The following CHN2 variants were observed in gnomAD, a reference collection of about 807,000 sequenced individuals.
CHN2 encodes chimerin 2, also known as beta-chimaerin.
In CHN2, 35 loss-of-function variants were observed where a neutral mutation model predicts 56.3. The observed-to-expected ratio is 0.62, with a 90% confidence interval of 0.47 to 0.82. The LOEUF (loss-of-function observed/expected upper bound fraction) is 0.82, where lower values mean the gene tolerates loss of function less well. Ranked by LOEUF, CHN2 falls within the 40% of genes least tolerant of loss-of-function variation. The pLI, the probability that CHN2 is intolerant of heterozygous loss-of-function variation, is 0.00. For synonymous variants in CHN2, 210 were observed against 212.8 expected, an observed-to-expected ratio of 0.99 and a Z score of 0.12; for missense variants, 491 against 580.5, an observed-to-expected ratio of 0.85 and a Z score of 1.58.
At chr7:29,500,285 A>G (rs1048150384) in intron 9 of CHN2, among the ~76,000 whole-genome samples, 1 of 152,156 alleles carries the variant, frequency 6.6e-6, no homozygotes, top group African/African-American at 2.4e-5. Flanking sequence ...CATTTATTAT[A>G]TGGTAGGCAT....
chr7:29,364,743 T>C (rs917040504), intron 2 of CHN2, among the ~76,000 whole-genome samples: 1 of 152,238 alleles, frequency 6.6e-6, no homozygotes, highest in African/African-American at 2.4e-5. Flanking sequence ...TTATCTCTTA[T>C]AGCTTTTTCT....
At chr7:29,207,712 C>A (rs1325886571) in intron 1 of CHN2, among the ~76,000 whole-genome samples, 2 of 152,144 alleles carry the variant, frequency 1.3e-5, no homozygotes, top group African/African-American at 4.8e-5. Flanking sequence ...CTCCATATGC[C>A]CCCACTTAGA....
intron 6 of CHN2, among the ~76,000 whole-genome samples, chr7:29,444,125 A>T: frequency 6.6e-6 from 1 of 152,228 alleles, no homozygotes; most frequent in East Asian, 1.9e-4. Context: ...ATAGTCTTTG[A>T]AACTTGAGTC....
intron 1 of CHN2, among the ~76,000 whole-genome samples, chr7:29,195,649 T>TGTGTGTGTGAGAGAGA (rs1554358914): frequency 6.1e-5 from 8 of 130,640 alleles, no homozygotes; most frequent in African/African-American, 2.3e-4. Context: ...TGTGTGTGTG[T>TGTGTGTGTGAGAGAGA]GAGAGAGAGA....
intron 1 of CHN2, among the ~76,000 whole-genome samples, chr7:29,275,346 A>G (rs568763243): frequency 7.9e-5 from 12 of 152,286 alleles, no homozygotes; most frequent in Admixed American, 6.5e-4. Flanking sequence ...TAGAGAATAT[A>G]TGGTCAAGTC....
chr7:29,352,708 G>A (rs191633421), intron 1 of CHN2, among the ~76,000 whole-genome samples: 21 of 152,242 alleles, frequency 1.4e-4, no homozygotes, highest in African/African-American at 3.9e-4. Flanking sequence ...GGGTGATAGA[G>A]TGGGACTCTG....
chr7:29,252,628 G>A lies in CHN2; in HGVS notation c.49+57638G>A, dbSNP rs551986303. ...TTTTGAGACGGAGTCTCGCTCTGTC[G>A]CCCAGGCCAGACTGCGGACTGCAGT... is the stretch of plus-strand genomic sequence containing the variant. On this transcript the variant is annotated intron_variant, in intron 1 of 12. Transcript: ENST00000222792. Among the ~76,000 whole-genome samples the A allele has an allele frequency of 6.1e-4, 34 of 56,138 alleles. No homozygotes were observed. In the South Asian group the frequency reaches 0.019, roughly 32 times the overall value. 36.8% of individuals were successfully genotyped at this position (56,138 alleles called of 152,430 possible).
intron 1 of CHN2, chr7:29,208,746 A>G (rs1185243200): frequency 1.3e-5 from 2 of 152,192 alleles, no homozygotes; most frequent in Non-Finnish European, 2.9e-5. Flanking sequence ...TCCAGGATGC[A>G]ATTATTGTAA....
At chr7:29,440,965 G>A (rs1449362324) in intron 6 of CHN2, among the ~76,000 whole-genome samples, 1 of 152,054 alleles carries the variant, frequency 6.6e-6, no homozygotes, top group Admixed American at 6.5e-5. Flanking sequence ...GAGGTACAAA[G>A]TGATGTTATG....
intron 1 of CHN2, among the ~76,000 whole-genome samples, chr7:29,210,372 G>A (rs1784823974): frequency 6.6e-6 from 1 of 151,708 alleles, no homozygotes; most frequent in Non-Finnish European, 1.5e-5. Context: ...AAGCCTTTTG[G>A]AATGTGACCT....
chr7:29,299,542 A>G (rs1409720842), intron 1 of CHN2, among the ~76,000 whole-genome samples: 1 of 152,158 alleles, frequency 6.6e-6, no homozygotes, highest in Non-Finnish European at 1.5e-5. Flanking sequence ...CATTGTGCTC[A>G]TACATCAAAT....
chr7:29,420,518 G>A (rs1051527770), intron 6 of CHN2, among the ~76,000 whole-genome samples: 2 of 152,192 alleles, frequency 1.3e-5, no homozygotes, highest in South Asian at 2.1e-4. Context: ...AGTGAAATAT[G>A]TCAGACATAT....
In CHN2 at chr7:29,211,289, G is replaced by T. The variant is rs370451424; in HGVS notation, c.49+16299G>T. Among the ~76,000 whole-genome samples, 11 of 151,258 alleles carry T rather than the reference G, an allele frequency of 7.3e-5. 1 individual carries two copies. The East Asian group carries it at 1.9e-3, about 27-fold the overall frequency. ...GAGATGGGGTTTCACCATGTTAGCC[G>T]GGATGGTCTCGATCTCCTGACCTCG... is the stretch of plus-strand genomic sequence containing the variant. On this transcript the variant is annotated intron_variant, in intron 1 of 12. Transcript: ENST00000222792.
intron 1 of CHN2, among the ~76,000 whole-genome samples, chr7:29,300,435 G>A (rs1217793225): frequency 6.6e-6 from 1 of 152,054 alleles, no homozygotes; most frequent in Non-Finnish European, 1.5e-5. Context: ...GGGCAGGAAT[G>A]CCTTCCTGGG....
At chr7:29,495,102 T>C (rs1365922219) in intron 7 of CHN2, among the ~76,000 whole-genome samples, 2 of 152,192 alleles carry the variant, frequency 1.3e-5, no homozygotes, top group Non-Finnish European at 2.9e-5. Context: ...ATGGCCCCGA[T>C]AGACTGCCTA....
In CHN2 at chr7:29,255,413, G is replaced by A. The variant is rs1411402429; in HGVS notation, c.49+60423G>A. ...GGGCGTGGGAAGGAATAATCACGAG[G>A]CAAGGAGGAGACGGAACACCCTCCA... On this transcript the variant is annotated intron_variant, in intron 1 of 12. Transcript: ENST00000222792. 4.6e-5 allele frequency among the ~76,000 whole-genome samples: 7 copies of A among 152,312 alleles called. No individual in the cohort carries two copies. The South Asian group carries it at 1.5e-3, about 32-fold the overall frequency.
At chr7:29,355,159 C>T (rs925951899) in intron 2 of CHN2, among the ~76,000 whole-genome samples, 2 of 151,780 alleles carry the variant, frequency 1.3e-5, no homozygotes, top group African/African-American at 4.8e-5. Context: ...TTAGTAGAGA[C>T]GAGGTTTCTC....
At chr7:29,170,966 C>T (rs965188306) in intron 2 of CHN2, among the ~76,000 whole-genome samples, 12 of 152,144 alleles carry the variant, frequency 7.9e-5, no homozygotes, top group Non-Finnish European at 1.6e-4. Flanking sequence ...CTTCAATTAC[C>T]TCCCACGGGG....
chr7:29,511,753 T>A (rs1791447190), intron 12 of CHN2, among the ~76,000 whole-genome samples: 1 of 151,898 alleles, frequency 6.6e-6, no homozygotes, highest in Admixed American at 6.6e-5. Context: ...ATTTTGCTCA[T>A]TTTTGGAGAA....
Sources: gnomAD v4.1 joint callset for allele counts (sites outside exome capture counted in the v4.1 genomes callset) on GRCh38, gnomAD v4.1.1 for gene constraint, MANE v1.5 for transcripts, NCBI Gene and HGNC (gene_info 2026-07-23, HGNC 2026-07-21) for gene names.